GRIA1: variants seen among roughly 807,000 people sequenced by gnomAD.
GRIA1 encodes the protein glutamate ionotropic receptor AMPA type subunit 1, also known as glutamate receptor 1.
In GRIA1, 31 loss-of-function variants were observed where a neutral mutation model predicts 99.2. That is an observed-to-expected ratio of 0.31 (90% CI 0.23 to 0.42). GRIA1 has a LOEUF of 0.42. Among genes scored for constraint, GRIA1 ranks in the 10% least tolerant of loss-of-function variants. The pLI, the probability that GRIA1 is intolerant of heterozygous loss-of-function variation, is 1.00. For missense variants in GRIA1, 782 were observed against 1,157.5 expected (o/e 0.68, Z 4.71); for synonymous variants, 438 against 432.4 (o/e 1.01, Z -0.16).
intron 2 of GRIA1, among the ~76,000 whole-genome samples, chr5:153,496,883 GT>G (rs200848634): frequency 4.7e-4 from 70 of 149,718 alleles, no homozygotes; most frequent in African/African-American, 1.4e-3. Context: ...AATTTTATTT[GT>G]TTTTTTTTCA....
At chr5:153,621,748 C>G (rs1311556934) in intron 2 of GRIA1, among the ~76,000 whole-genome samples, 1 of 152,106 alleles carries the variant, frequency 6.6e-6, no homozygotes, top group East Asian at 1.9e-4. Context: ...ATGAAGTACC[C>G]TGCAAAAGTC....
chr5:153,514,746 G>A (rs1024895060), intron 2 of GRIA1, among the ~76,000 whole-genome samples: 4 of 152,200 alleles, frequency 2.6e-5, no homozygotes, highest in Admixed American at 6.5e-5. Flanking sequence ...TTTTGACAGA[G>A]ATTGCATTTA....
rs549551556 is a variant in GRIA1, at chr5:153,781,967, C to T, written c.2270+11552C>T. ...AGGTAAAGAAGACGAGTAAAATGGG[C>T]CAGGGGTAAAACCTATGTGGTTTTC... On this transcript the variant is annotated intron_variant, in intron 13 of 15. Transcript: ENST00000285900. 2.6e-5 allele frequency among the ~76,000 whole-genome samples: 4 copies of T among 152,046 alleles called. No homozygotes were observed. In the South Asian group the frequency reaches 8.3e-4, roughly 32 times the overall value.
chr5:153,498,238 A>G (rs940655388), intron 2 of GRIA1, among the ~76,000 whole-genome samples: 2 of 152,170 alleles, frequency 1.3e-5, no homozygotes, highest in African/African-American at 4.8e-5. Context: ...CTCTTTCCCA[A>G]TCAGCCCATT....
Position 153,772,260 on chromosome 5 carries a change from T to C in GRIA1, c.2270+1845T>C, listed in dbSNP as rs566852313. On this transcript the variant is annotated intron_variant, in intron 13 of 15. Transcript: ENST00000285900. ...GGCTGGGAAGACAGGTCCAAAGATG[T>C]TTTTTTCAAGCTGCAGTTTGACAGA... 1.1e-4 allele frequency among the ~76,000 whole-genome samples: 16 copies of C among 152,036 alleles called. No homozygotes were observed. The South Asian group carries it at 3.3e-3, about 32-fold the overall frequency.
chr5:153,562,005 C>A (rs1156659595), intron 2 of GRIA1, among the ~76,000 whole-genome samples: 1 of 152,116 alleles, frequency 6.6e-6, no homozygotes, highest in Admixed American at 6.5e-5. Flanking sequence ...GTGAATAGAG[C>A]ATTTTGGCTG....
In GRIA1 at chr5:153,686,268, A is replaced by G. The variant is rs766412784; in HGVS notation, c.1073A>G (p.Lys358Arg). ...GLTGNVQFNEKGRRTNYTLHV... is the reference protein window; with the variant it reads ...GLTGNVQFNERGRRTNYTLHV... Reference sequence around the variant, plus strand: ...ACAGGAAACGTGCAGTTTAATGAGAAAGGACGCCGGACCAACTACACGCTC... The same window carrying G: ...ACAGGAAACGTGCAGTTTAATGAGAGAGGACGCCGGACCAACTACACGCTC... Residue 358 changes from lysine to arginine, a missense_variant, in exon 8 of 16, where the codon AAA (lysine) becomes AGA (arginine). This residue lies in a region of GRIA1 where 461 missense variants were observed against 521.7 expected (regional missense o/e 0.88). Transcript: ENST00000285900. 1.2e-6 allele frequency: 2 copies of G among 1,614,040 alleles called. No homozygotes were observed. Among genetic ancestry groups the G allele is most frequent in the Admixed American group, 1.7e-5 (1 of 60,026 alleles).
At chr5:153,645,442 T>C (rs1256832718) in intron 2 of GRIA1, among the ~76,000 whole-genome samples, 2 of 152,168 alleles carry the variant, frequency 1.3e-5, no homozygotes, top group Non-Finnish European at 2.9e-5. Flanking sequence ...TATTGCAGCA[T>C]GGGCCAAAAG....
Position 153,812,275 on chromosome 5 carries a change from C to G in GRIA1, c.*1050C>G, listed in dbSNP as rs763454294. ...TCTATGGAGCCTCTGACATGGGGAG[C>G]AATGCTAAGCAAGCTAAGTGTAAAA... On this transcript the variant is annotated 3_prime_UTR_variant, in exon 16 of 16. Transcript: ENST00000285900. 2.0e-5 allele frequency: 3 copies of G among 151,980 alleles called. No individual in the cohort carries two copies. Among genetic ancestry groups the G allele is most frequent in the Non-Finnish European group, 4.4e-5 (3 of 68,012 alleles). 9.4% of individuals were successfully genotyped at this position (151,980 alleles called of 1,614,324 possible). A position where few individuals can be genotyped will look rare whatever the true frequency, so the allele number is the denominator to read the frequency against.
chr5:153,547,741 A>T (rs770801498), intron 2 of GRIA1, among the ~76,000 whole-genome samples: 15 of 152,196 alleles, frequency 9.9e-5, no homozygotes, highest in Non-Finnish European at 1.9e-4. Context: ...ATGTGGCTCC[A>T]TGTAGCAGAG....
chr5:153,698,099 C>T lies in GRIA1; in HGVS notation c.1190C>T (p.Ala397Val). 1.9e-6 allele frequency: 3 copies of T among 1,611,632 alleles called. No individual in the cohort carries two copies. The highest frequency in any genetic ancestry group is 2.5e-6 in the Non-Finnish European group (3 of 1,177,780). ...GTCCCTGCAGCCACCGATGCCCAAGCTGGGGGCGATAATTCAAGTGTTCAG... is the reference window on the plus strand; with the variant it reads ...GTCCCTGCAGCCACCGATGCCCAAGTTGGGGGCGATAATTCAAGTGTTCAG... ...KFVPAATDAQ[A>V]GGDNSSVQNR... Residue 397 changes from alanine to valine, a missense_variant, in exon 9 of 16, where the codon GCT becomes GTT. By Grantham distance (64) the Ala-to-Val change is moderately conservative. Transcript: ENST00000285900.
At chr5:153,732,309 C>A (rs989179396) in intron 11 of GRIA1, among the ~76,000 whole-genome samples, 4 of 152,008 alleles carry the variant, frequency 2.6e-5, no homozygotes, top group Non-Finnish European at 5.9e-5. Context: ...ACATTATTTG[C>A]TGTAATGGCT....
intron 1 of GRIA1, 126 bp downstream of exon 1, chr5:153,491,096 G>GT: frequency 9.3e-7 from 1 of 1,074,576 alleles, no homozygotes; most frequent in Non-Finnish European, 1.4e-6. Flanking sequence ...CTGTGCTGCG[G>GT]TAACAGAAGG....
intron 3 of GRIA1, among the ~76,000 whole-genome samples, chr5:153,647,986 T>G (rs1228543354): frequency 6.6e-6 from 1 of 152,206 alleles, no homozygotes; most frequent in Non-Finnish European, 1.5e-5. Context: ...TCCTACCTTC[T>G]CATTGTATAC....
At chr5:153,802,300 C>T (rs1339516684) in intron 14 of GRIA1, 56 bp from the exon 15 acceptor site, 4 of 1,552,538 alleles carry the variant, frequency 2.6e-6, no homozygotes, top group South Asian at 2.2e-5. Flanking sequence ...GGTCTTTAGC[C>T]TCTTGACTCA....
intron 5 of GRIA1, among the ~76,000 whole-genome samples, chr5:153,669,743 T>C (rs1756013803): frequency 2.0e-5 from 3 of 152,310 alleles, no homozygotes; most frequent in African/African-American, 7.2e-5. Context: ...TTTTCCTGCA[T>C]TTGGTTATTT....
At chr5:153,589,690 C>T (rs778819) in intron 2 of GRIA1, among the ~76,000 whole-genome samples, 108,598 of 151,992 alleles carry the variant, frequency 0.71, 39,216 homozygotes, top group East Asian at 0.94. Context: ...AGAGTCCTTG[C>T]GTGCATCTGC....
At chr5:153,593,244 G>A (rs1045436413) in intron 2 of GRIA1, among the ~76,000 whole-genome samples, 3 of 152,092 alleles carry the variant, frequency 2.0e-5, no homozygotes, top group African/African-American at 7.2e-5. Context: ...TCCCACCTGG[G>A]TGACAGAGTA....
rs986822110 is a variant in GRIA1 at position 153,811,317 on chromosome 5, C to G, written c.*92C>G. The G allele has an allele frequency of 1.2e-6, 1 of 837,556 alleles. No homozygotes were observed. The highest frequency in any genetic ancestry group is 2.0e-6 in the Non-Finnish European group (1 of 501,574). 51.9% of individuals were successfully genotyped at this position (837,556 alleles called of 1,614,324 possible). A position where few individuals can be genotyped will look rare whatever the true frequency, so the allele number is the denominator to read the frequency against. ...TGCCAAAAACAACAACAAAATGAAACGCAACCACCACCAACCACTGCGACC... is the reference window on the plus strand; with the variant it reads ...TGCCAAAAACAACAACAAAATGAAAGGCAACCACCACCAACCACTGCGACC... On this transcript the variant is annotated 3_prime_UTR_variant, in exon 16 of 16. Transcript: ENST00000285900.
Sources: allele counts gnomAD v4.1 joint callset (sites outside exome capture counted in the v4.1 genomes callset), GRCh38; gene constraint gnomAD v4.1.1; regional missense constraint gnomAD v4.1.1; transcripts MANE v1.5; gene names NCBI Gene and HGNC (gene_info 2026-07-23, HGNC 2026-07-21).